The following MAMDC2 variants were observed in gnomAD, a reference collection of about 807,000 sequenced individuals.
MAMDC2 encodes the protein MAM domain-containing protein 2.
In MAMDC2, 57 loss-of-function variants were observed where a neutral mutation model predicts 89.8. That is an observed-to-expected ratio of 0.63 (90% confidence interval 0.51 to 0.79). The LOEUF is 0.79. Ranked by LOEUF, MAMDC2 falls within the 30% of genes least tolerant of loss-of-function variation. MAMDC2 has a pLI of 0.00. For missense variants in MAMDC2, 800 were observed against 820.6 expected (o/e 0.97, Z 0.31); for synonymous variants, 313 against 293.4 (o/e 1.07, Z -0.68).
At chr9:70,181,328 T>A (rs2032641464) in intron 11 of MAMDC2, among the ~76,000 whole-genome samples, 1 of 152,218 alleles carries the variant, frequency 6.6e-6, no homozygotes, top group South Asian at 2.1e-4. Context: ...TAGTCTTGGC[T>A]ATACAGGCTC....
At chr9:70,214,032 T>C (rs2033403413) in intron 11 of MAMDC2, among the ~76,000 whole-genome samples, 1 of 152,186 alleles carries the variant, frequency 6.6e-6, no homozygotes, top group Non-Finnish European at 1.5e-5. Flanking sequence ...AATGAGCATT[T>C]ACTATGTTCC....
intron 2 of MAMDC2, among the ~76,000 whole-genome samples, chr9:70,104,829 T>A (rs1587474153): frequency 6.6e-6 from 1 of 152,172 alleles, no homozygotes; most frequent in East Asian, 1.9e-4. Flanking sequence ...GGTTTCCTTT[T>A]GGGGTTATGG....
At chr9:70,204,692 G>T (rs2033181936) in intron 11 of MAMDC2, among the ~76,000 whole-genome samples, 1 of 151,652 alleles carries the variant, frequency 6.6e-6, no homozygotes, top group Non-Finnish European at 1.5e-5. Flanking sequence ...AGACTGCTGT[G>T]CTAGCAATCA....
chr9:70,207,554 G>A (rs1215549643), intron 11 of MAMDC2, among the ~76,000 whole-genome samples: 1 of 152,164 alleles, frequency 6.6e-6, no homozygotes, highest in Admixed American at 6.5e-5. Context: ...TGGGAAGATT[G>A]TAAAAATTTT....
intron 9 of MAMDC2, chr9:70,157,720 C>T (rs535947840): frequency 5.9e-5 from 9 of 152,448 alleles, no homozygotes; most frequent in South Asian, 2.1e-4. Context: ...TTTATTCAAA[C>T]GAGGAATGCC....
intron 11 of MAMDC2, among the ~76,000 whole-genome samples, chr9:70,196,600 G>A (rs2118615481): frequency 6.6e-6 from 1 of 152,164 alleles, no homozygotes; most frequent in South Asian, 2.1e-4. Context: ...ATACTGAAGA[G>A]GTTGCATCTG....
intron 5 of MAMDC2, among the ~76,000 whole-genome samples, chr9:70,118,409 T>C (rs2030116988): frequency 6.6e-6 from 1 of 151,370 alleles, no homozygotes. Flanking sequence ...CCAAAAATGA[T>C]GAGTTCAAAA....
intron 9 of MAMDC2, among the ~76,000 whole-genome samples, chr9:70,149,814 G>A (rs1490072246): frequency 6.6e-6 from 1 of 152,298 alleles, no homozygotes; most frequent in Non-Finnish European, 1.5e-5. Flanking sequence ...AAAAAGAAGA[G>A]AGCAATAAGA....
intron 12 of MAMDC2, among the ~76,000 whole-genome samples, chr9:70,220,592 T>C (rs2033536554): frequency 6.6e-6 from 1 of 152,226 alleles, no homozygotes; most frequent in Admixed American, 6.5e-5. Context: ...CTAAGAGCTG[T>C]ACGTAAGTTC....
chr9:70,112,925 C>T, intron 4 of MAMDC2, 70 bp from the exon 5 acceptor site: 1 of 1,579,220 alleles, frequency 6.3e-7, no homozygotes, highest in African/African-American at 1.3e-5. Context: ...TAAGAGCAAA[C>T]TCTGTAGTAG....
intron 5 of MAMDC2, among the ~76,000 whole-genome samples, chr9:70,119,993 G>A (rs1250357101): frequency 1.3e-5 from 2 of 152,194 alleles, no homozygotes; most frequent in African/African-American, 4.8e-5. Context: ...CTGACCATCT[G>A]TGAATCCTGC....
chr9:70,123,305 A>T (rs2030371674), intron 5 of MAMDC2, among the ~76,000 whole-genome samples: 1 of 152,140 alleles, frequency 6.6e-6, no homozygotes, highest in Non-Finnish European at 1.5e-5. Context: ...GGCATTCTCC[A>T]CTACTAGAAT....
chr9:70,066,342 A>T (rs937576499), intron 2 of MAMDC2, among the ~76,000 whole-genome samples: 3 of 152,200 alleles, frequency 2.0e-5, no homozygotes, highest in Non-Finnish European at 4.4e-5. Context: ...GGAGCAAGAC[A>T]GAGTAGTAGA....
At chr9:70,111,363 A>C (rs991686000) in intron 4 of MAMDC2, among the ~76,000 whole-genome samples, 1 of 152,240 alleles carries the variant, frequency 6.6e-6, no homozygotes, top group Admixed American at 6.5e-5. Context: ...TGATTTGTTT[A>C]AAACAAAAGG....
intron 11 of MAMDC2, among the ~76,000 whole-genome samples, chr9:70,212,259 G>T (rs979515959): frequency 6.6e-6 from 1 of 152,248 alleles, no homozygotes; most frequent in Non-Finnish European, 1.5e-5. Context: ...GCCTCCTTGA[G>T]CTGTGGTGGG....
intron 12 of MAMDC2, among the ~76,000 whole-genome samples, chr9:70,223,123 ACT>A (rs1209744251): frequency 1.4e-4 from 16 of 117,064 alleles, no homozygotes; most frequent in African/African-American, 5.5e-4. Flanking sequence ...TGAGAGCAAG[ACT>A]CTGTCTCAAA....
intron 4 of MAMDC2, among the ~76,000 whole-genome samples, chr9:70,110,736 G>A (rs752485435): frequency 7.9e-5 from 12 of 152,286 alleles, no homozygotes; most frequent in Non-Finnish European, 1.3e-4. Flanking sequence ...CAGCTGCCAC[G>A]TGGAAAATGA....
At chr9:70,160,368 G>C (rs563878657) in intron 9 of MAMDC2, among the ~76,000 whole-genome samples, 1 of 152,194 alleles carries the variant, frequency 6.6e-6, no homozygotes, top group East Asian at 1.9e-4. Context: ...TTCATTATTA[G>C]GGTGGGGAAT....
At chr9:70,075,490 T>C (rs1414270779) in intron 2 of MAMDC2, among the ~76,000 whole-genome samples, 1 of 152,200 alleles carries the variant, frequency 6.6e-6, no homozygotes, top group Non-Finnish European at 1.5e-5. Context: ...CCTCTGGTGA[T>C]TTTTAGACAC....
Sources: gnomAD v4.1 joint callset for allele counts (sites outside exome capture counted in the v4.1 genomes callset) on GRCh38, gnomAD v4.1.1 for gene constraint, MANE v1.5 for transcripts, NCBI Gene and HGNC (gene_info 2026-07-23, HGNC 2026-07-21) for gene names.